ROBO2: variants seen among roughly 807,000 people sequenced by gnomAD.
The protein encoded by ROBO2 is roundabout guidance receptor 2.
ROBO2 carries 53 observed loss-of-function variants against 160.8 expected under a neutral mutation model. That is an observed-to-expected ratio of 0.33 (90% CI 0.26 to 0.41). The LOEUF (loss-of-function observed/expected upper bound fraction) is 0.41. ROBO2 is among the 10% of genes least tolerant of loss of function. ROBO2 has a pLI of 1.00. For synonymous variants in ROBO2, 664 were observed against 611.7 expected (o/e 1.09, Z -1.26); for missense variants, 1,577 against 1,722.4 (o/e 0.92, Z 1.49).
chr3:76,555,236 TTAA>T (rs1395532390), intron 2 of ROBO2, among the ~76,000 whole-genome samples: 4 of 151,836 alleles, frequency 2.6e-5, no homozygotes, highest in Admixed American at 1.3e-4. Flanking sequence ...AGAGCATTTT[TTAA>T]TAATAACATG....
chr3:76,654,806 C>A (rs2091417495), intron 2 of ROBO2, among the ~76,000 whole-genome samples: 1 of 151,140 alleles, frequency 6.6e-6, no homozygotes, highest in South Asian at 2.1e-4. Flanking sequence ...AAAATAAAGA[C>A]ACAAATTCAG....
intron 2 of ROBO2, among the ~76,000 whole-genome samples, chr3:76,405,280 C>T (rs946723755): frequency 2.7e-5 from 4 of 150,474 alleles, no homozygotes; most frequent in Admixed American, 2.0e-4. Context: ...TTGCTTGTTC[C>T]AGGAAGAGTG....
chr3:76,268,757 A>G (rs1039289929), intron 2 of ROBO2, among the ~76,000 whole-genome samples: 2 of 152,130 alleles, frequency 1.3e-5, no homozygotes, highest in African/African-American at 4.8e-5. Context: ...CCTCTCTTCA[A>G]TTTAATAGTT....
intron 2 of ROBO2, among the ~76,000 whole-genome samples, chr3:76,163,239 A>G (rs1029160132): frequency 1.3e-5 from 2 of 151,948 alleles, no homozygotes; most frequent in Non-Finnish European, 2.9e-5. Flanking sequence ...AAATTTTATG[A>G]TGAATCCTCT....
At position 76,945,218 on chromosome 3, in the gene ROBO2, T is replaced by C. The variant is rs540930716; in HGVS notation, c.110-152796T>C. ...AAATGGCAGAAGCGCCAGTTTAGGG[T>C]CCTAGGTCCTAAGAAATCAGAAGTA... On this transcript the variant is annotated intron_variant, in intron 2 of 26. Transcript: ENST00000487694. Among the ~76,000 whole-genome samples the C allele has an allele frequency of 8.5e-5, 13 of 152,218 alleles. No individual in the cohort carries two copies. The East Asian group carries it at 2.5e-3, about 29-fold the overall frequency.
intron 2 of ROBO2, among the ~76,000 whole-genome samples, chr3:76,356,213 G>A (rs899376391): frequency 6.6e-6 from 1 of 151,444 alleles, no homozygotes; most frequent in Non-Finnish European, 1.5e-5. Flanking sequence ...AATGGAAGAG[G>A]TCTAATGGAA....
chr3:77,123,969 CTATCTATATAGATATATATG>C (rs1276657053), intron 2 of ROBO2, among the ~76,000 whole-genome samples: 1 of 149,618 alleles, frequency 6.7e-6, no homozygotes, highest in African/African-American at 2.5e-5. Context: ...TGTAGATAAT[CTATCTATATAGATATATATG>C]TATCTATATA....
At chr3:76,348,452 C>T (rs778809941) in intron 2 of ROBO2, among the ~76,000 whole-genome samples, 1 of 152,072 alleles carries the variant, frequency 6.6e-6, no homozygotes, top group Non-Finnish European at 1.5e-5. Context: ...ATGACCTCAG[C>T]GTCGCCACAC....
intron 2 of ROBO2, among the ~76,000 whole-genome samples, chr3:76,101,126 A>C (rs1348954486): frequency 6.6e-6 from 1 of 152,174 alleles, no homozygotes; most frequent in African/African-American, 2.4e-5. Context: ...CTGTCCAGAA[A>C]GCCGGTAATC....
intron 2 of ROBO2, among the ~76,000 whole-genome samples, chr3:77,112,154 C>G (rs985416910): frequency 7.0e-6 from 1 of 141,936 alleles, no homozygotes; most frequent in Non-Finnish European, 1.5e-5. Flanking sequence ...ATCGCGCCGC[C>G]GTCGCATTCC....
intron 2 of ROBO2, among the ~76,000 whole-genome samples, chr3:76,290,163 C>A (rs191408567): frequency 3.2e-4 from 48 of 152,164 alleles, no homozygotes; most frequent in African/African-American, 1.2e-3. Flanking sequence ...TGATTTCTTT[C>A]AGCAGTGTTT....
chr3:76,312,096 C>T (rs150020761), intron 2 of ROBO2, among the ~76,000 whole-genome samples: 3,156 of 152,192 alleles, frequency 0.021, 95 homozygotes, highest in African/African-American at 0.068. Context: ...ACACAAGTTA[C>T]CAAGATATGT....
chr3:77,266,150 TA>T lies in ROBO2; in HGVS notation c.388+167816del, dbSNP rs2059108842. 2.0e-5 allele frequency among the ~76,000 whole-genome samples: 3 copies of T among 151,906 alleles called. No homozygotes were observed. The South Asian group carries it at 6.2e-4, about 31-fold the overall frequency. On this transcript the variant is annotated intron_variant, in intron 2 of 25. Transcript: ENST00000461745. ...GTCTCACTAGGCACAGGATTTTTTT[TA>T]AAAAACTTTCGCTTTTCCCCATGCT...
At chr3:76,850,609 C>CT (rs1160609291) in intron 2 of ROBO2, among the ~76,000 whole-genome samples, 3 of 152,214 alleles carry the variant, frequency 2.0e-5, no homozygotes, top group Admixed American at 1.3e-4. Flanking sequence ...CGATGATGCT[C>CT]TTTTTTGCTC....
chr3:76,952,968 T>C (rs2079044404), intron 2 of ROBO2, among the ~76,000 whole-genome samples: 1 of 152,206 alleles, frequency 6.6e-6, no homozygotes, highest in Non-Finnish European at 1.5e-5. Context: ...ACAGTGTTCA[T>C]GACAAAGCCT....
intron 2 of ROBO2, among the ~76,000 whole-genome samples, chr3:76,933,990 CA>C (rs2077517977): frequency 6.6e-6 from 1 of 152,108 alleles, no homozygotes; most frequent in Admixed American, 6.6e-5. Context: ...CCACTGTTTT[CA>C]AGAATTTAAT....
intron 2 of ROBO2, among the ~76,000 whole-genome samples, chr3:76,046,911 G>T (rs138173445): frequency 5.6e-4 from 85 of 152,254 alleles, no homozygotes; most frequent in African/African-American, 1.9e-3. Flanking sequence ...CTCAGTGCAT[G>T]ATTCGTCAAA....
chr3:77,284,852 C>T (rs1370443194), intron 2 of ROBO2, among the ~76,000 whole-genome samples: 2 of 152,042 alleles, frequency 1.3e-5, no homozygotes, highest in Admixed American at 6.6e-5. Flanking sequence ...TGTAAGGTTG[C>T]AATACAAATC....
intron 2 of ROBO2, among the ~76,000 whole-genome samples, chr3:76,703,951 G>A (rs1056263833): frequency 1.3e-5 from 2 of 151,790 alleles, no homozygotes; most frequent in African/African-American, 4.8e-5. Flanking sequence ...TTGCTTATAA[G>A]AAAATTAATC....
Sources: gnomAD v4.1 joint callset for allele counts (sites outside exome capture counted in the v4.1 genomes callset) on GRCh38, gnomAD v4.1.1 for gene constraint, MANE v1.5 for transcripts, NCBI Gene and HGNC (gene_info 2026-07-23, HGNC 2026-07-21) for gene names.